Variants in DIP2C observed in about 807,000 individuals in gnomAD.
DIP2C encodes the protein disco-interacting protein 2 homolog C.
In DIP2C, 33 loss-of-function variants were observed where a neutral mutation model predicts 192.4. The observed-to-expected ratio is 0.17, with a 90% CI of 0.13 to 0.23. DIP2C has a LOEUF of 0.23. DIP2C is among the 10% of genes least tolerant of loss of function. The probability of loss-of-function intolerance (pLI) is 1.00; values close to 1 mark genes in which losing one functional copy is unlikely to be tolerated. For synonymous variants in DIP2C, 979 were observed against 864.1 expected (o/e 1.13, Z -2.33); for missense variants, 1,537 against 2,110.1 (o/e 0.73, Z 5.32).
chr10:301,261 TTTTTG>T (rs1956032237), intron 32 of DIP2C, among the ~76,000 whole-genome samples: 1 of 151,540 alleles, frequency 6.6e-6, no homozygotes, highest in Non-Finnish European at 1.5e-5. Flanking sequence ...CAAAGGAGGG[TTTTTG>T]TTTTTAGACA....
intron 1 of DIP2C, among the ~76,000 whole-genome samples, chr10:500,777 T>A (rs1202254843): frequency 1.3e-5 from 2 of 152,214 alleles, no homozygotes; most frequent in Admixed American, 1.3e-4. Flanking sequence ...AAGCAATGGA[T>A]AACAAAACAA....
At chr10:447,649 G>A (rs1174090337) in intron 3 of DIP2C, among the ~76,000 whole-genome samples, 2 of 138,510 alleles carry the variant, frequency 1.4e-5, no homozygotes, top group South Asian at 2.2e-4. Context: ...ACACAGTGGG[G>A]CAGCAGGACC....
rs112490270 is a variant in DIP2C, at chr10:391,516, A to G, written c.1261-653T>C. ...TCCGGTTTGGGAAGGTCAGACCTGAACAGACCTACGCCAGTCGTCACTCCT... is the reference window on the plus strand; with the variant it reads ...TCCGGTTTGGGAAGGTCAGACCTGAGCAGACCTACGCCAGTCGTCACTCCT... On this transcript the variant is annotated intron_variant, in intron 10 of 36. Coordinates refer to ENST00000280886, the MANE Select transcript of DIP2C (RefSeq NM_014974.3). 6.0e-3 allele frequency among the ~76,000 whole-genome samples: 914 copies of G among 152,318 alleles called. 3 individuals carry two copies. The highest frequency in any genetic ancestry group is 0.014 in the Middle Eastern group (4 of 294).
intron 17 of DIP2C, among the ~76,000 whole-genome samples, chr10:373,504 G>C (rs1373986776): frequency 6.6e-6 from 1 of 152,198 alleles, no homozygotes; most frequent in Non-Finnish European, 1.5e-5. Flanking sequence ...CTGCGGCAGG[G>C]CTTGCAGGTC....
intron 1 of DIP2C, among the ~76,000 whole-genome samples, chr10:490,317 C>A (rs939011258): frequency 1.3e-5 from 2 of 152,258 alleles, no homozygotes; most frequent in African/African-American, 4.8e-5. Context: ...CATCAGCATG[C>A]AGCTACGTAA....
At chr10:317,453 G>A (rs1017642432) in intron 31 of DIP2C, among the ~76,000 whole-genome samples, 6 of 152,252 alleles carry the variant, frequency 3.9e-5, no homozygotes, top group Admixed American at 1.3e-4. Context: ...GAGAGAGGGC[G>A]TGGGAAGGCT....
intron 1 of DIP2C, among the ~76,000 whole-genome samples, chr10:558,916 G>A (rs1462450883): frequency 2.0e-5 from 3 of 151,894 alleles, no homozygotes; most frequent in South Asian, 4.2e-4. Context: ...CAGACACCAC[G>A]GACCACCCGA....
Position 366,952 on chromosome 10 carries a change from C to T in DIP2C, c.2132-541G>A, listed in dbSNP as rs1426143840. On this transcript the variant is annotated intron_variant, in intron 18 of 36. Coordinates refer to ENST00000280886, the MANE Select transcript of DIP2C (RefSeq NM_014974.3). ...GCTTTGCCCAACAACATCCTACATACCCCCCAACTGCAATCCACAAATCTG... is the reference window on the plus strand; with the variant it reads ...GCTTTGCCCAACAACATCCTACATATCCCCCAACTGCAATCCACAAATCTG... Among the ~76,000 whole-genome samples, 3 of 152,294 alleles carry T rather than the reference C, an allele frequency of 2.0e-5. No homozygotes were observed. The South Asian group carries it at 6.2e-4, about 32-fold the overall frequency.
intron 1 of DIP2C, among the ~76,000 whole-genome samples, chr10:580,702 C>T (rs897331611): frequency 3.9e-5 from 6 of 152,028 alleles, no homozygotes; most frequent in East Asian, 1.9e-4. Context: ...TGAATATTAA[C>T]GCTGCAGAAA....
intron 32 of DIP2C, among the ~76,000 whole-genome samples, chr10:305,116 A>G (rs1956250930): frequency 6.6e-6 from 1 of 152,144 alleles, no homozygotes; most frequent in East Asian, 1.9e-4. Context: ...ACACACGTAC[A>G]CTTGTAACAC....
At position 678,330 on chromosome 10, in the gene DIP2C, G is replaced by A. The variant is rs190369640; in HGVS notation, c.85+11164C>T. Among the ~76,000 whole-genome samples the A allele has an allele frequency of 1.5e-3, 225 of 152,204 alleles. 7 individuals carry two copies. The East Asian group carries it at 0.042, about 28-fold the overall frequency. On this transcript the variant is annotated intron_variant, in intron 1 of 36. Coordinates refer to ENST00000280886, the MANE Select transcript of DIP2C (RefSeq NM_014974.3). ...AGGCTTAAAAGAGTATCGACTAAAA[G>A]GGGCCACCAGGAAGAGAGAAGTCCT...
At chr10:330,166 G>A (rs1156548116) in intron 29 of DIP2C, among the ~76,000 whole-genome samples, 2 of 152,110 alleles carry the variant, frequency 1.3e-5, no homozygotes, top group South Asian at 2.1e-4. Context: ...TTAGAAAACT[G>A]ACAGCCAGGG....
At chr10:323,850 G>T (rs1382519947) in intron 31 of DIP2C, among the ~76,000 whole-genome samples, 2 of 152,188 alleles carry the variant, frequency 1.3e-5, no homozygotes, top group African/African-American at 2.4e-5. Flanking sequence ...TGTGTGCTGG[G>T]CTCTATGGAG....
At chr10:378,456 C>T (rs1167124011) in intron 17 of DIP2C, among the ~76,000 whole-genome samples, 1 of 152,182 alleles carries the variant, frequency 6.6e-6, no homozygotes, top group Non-Finnish European at 1.5e-5. Flanking sequence ...CACGTGAACA[C>T]AAACATGCCT....
intron 24 of DIP2C, among the ~76,000 whole-genome samples, chr10:355,435 G>T (rs960751211): frequency 6.6e-6 from 1 of 152,198 alleles, no homozygotes; most frequent in Non-Finnish European, 1.5e-5. Context: ...TCTTCAATCT[G>T]CTGCTTCGCA....
chr10:469,263 C>A (rs1347868971), intron 3 of DIP2C, among the ~76,000 whole-genome samples: 1 of 151,766 alleles, frequency 6.6e-6, no homozygotes. Context: ...ACCCAACCTT[C>A]AGGTCCTATT....
At chr10:428,064 T>C (rs1966709767) in intron 4 of DIP2C, among the ~76,000 whole-genome samples, 1 of 152,104 alleles carries the variant, frequency 6.6e-6, no homozygotes, top group Non-Finnish European at 1.5e-5. Context: ...CAGAATATAA[T>C]TCAACAATAA....
chr10:670,423 T>C (rs2132141258), intron 1 of DIP2C, among the ~76,000 whole-genome samples: 1 of 152,278 alleles, frequency 6.6e-6, no homozygotes, highest in Middle Eastern at 3.4e-3. Context: ...GGTACGTGGA[T>C]TCAAAATTCT....
intron 6 of DIP2C, among the ~76,000 whole-genome samples, 161 bp from the exon 7 acceptor site, chr10:416,049 C>T (rs11252290): frequency 0.56 from 83,679 of 149,988 alleles, 23,428 homozygotes; most frequent in East Asian, 0.69. Context: ...TGTACGGTAG[C>T]CCCGTGGCTA....
Sources: allele counts gnomAD v4.1 joint callset (sites outside exome capture counted in the v4.1 genomes callset), GRCh38; gene constraint gnomAD v4.1.1; transcripts MANE v1.5; gene names NCBI Gene and HGNC (gene_info 2026-07-23, HGNC 2026-07-21).